Variants in RYR2 observed in about 807,000 individuals in gnomAD.
RYR2 encodes the protein ryanodine receptor 2, also known as cardiac muscle ryanodine receptor-calcium release channel.
In RYR2, 227 loss-of-function variants were observed where a neutral mutation model predicts 601.1. That is an observed-to-expected ratio of 0.38 (90% CI 0.34 to 0.42). The LOEUF (loss-of-function observed/expected upper bound fraction) is 0.42, where lower values mean the gene tolerates loss of function less well. RYR2 is among the 10% of genes least tolerant of loss of function. The probability of loss-of-function intolerance (pLI) is 1.00; values close to 1 mark genes in which losing one functional copy is unlikely to be tolerated. For synonymous variants in RYR2, 2,223 were observed against 2,175.1 expected, an observed-to-expected ratio of 1.02 and a Z score of -0.61; for missense variants, 4,646 against 6,156.5, an observed-to-expected ratio of 0.75 and a Z score of 8.21.
intron 81 of RYR2, among the ~76,000 whole-genome samples, chr1:237,756,768 G>A (rs116233306): frequency 0.024 from 3,729 of 152,258 alleles, 48 homozygotes; most frequent in Middle Eastern, 0.051. Context: ...CATGTTAGCA[G>A]GAAAGCTGCC....
chr1:237,243,434 C>T (rs1318443334), intron 1 of RYR2, among the ~76,000 whole-genome samples: 1 of 152,170 alleles, frequency 6.6e-6, no homozygotes, highest in Non-Finnish European at 1.5e-5. Flanking sequence ...ATTATAAAGA[C>T]TCCTGCGAAG....
Position 237,106,539 on chromosome 1 carries a change from GT to G in RYR2, c.48+63971del, listed in dbSNP as rs1668703688. Reference sequence around the variant, plus strand: ...AGATCAAGAGTTTCATTCTGGAAATGTGGGGGTTTTCGCTGTCTGTCAGAGA... The same window carrying G: ...AGATCAAGAGTTTCATTCTGGAAATGGGGGGTTTTCGCTGTCTGTCAGAGA... On this transcript the variant is annotated intron_variant, in intron 1 of 104. Coordinates refer to ENST00000366574, the MANE Select transcript of RYR2 (RefSeq NM_001035.3). The surrounding 1 kb of genome is among the most constrained non-coding windows in gnomAD (Gnocchi z 4.4). 6.6e-6 allele frequency among the ~76,000 whole-genome samples: 1 copy of G among 152,202 alleles called. No individual in the cohort carries two copies. Among genetic ancestry groups the G allele is most frequent in the South Asian group, 2.1e-4 (1 of 4,832 alleles).
chr1:237,409,001 T>G (rs2149987937), intron 10 of RYR2, among the ~76,000 whole-genome samples: 1 of 152,266 alleles, frequency 6.6e-6, no homozygotes, highest in South Asian at 2.1e-4. Context: ...AAATTGATTT[T>G]TGTGTATTAA....
chr1:237,443,148 G>A (rs1037565079), intron 13 of RYR2, among the ~76,000 whole-genome samples: 14 of 151,576 alleles, frequency 9.2e-5, no homozygotes, highest in African/African-American at 3.4e-4. Context: ...TTTTTCTTTG[G>A]TGCTGTTCTG....
At position 237,224,187 on chromosome 1, in the gene RYR2, G is replaced by A. The variant is rs144876653; in HGVS notation, c.49-46310G>A. ...TGAATATATTGGAAACCTTTTTGGG[G>A]ATTTATGACAATTTGAAAAAAAACT... On this transcript the variant is annotated intron_variant, in intron 1 of 104. Transcript: ENST00000366574. Among the ~76,000 whole-genome samples the A allele has an allele frequency of 3.2e-3, 483 of 151,912 alleles. 5 individuals are homozygous for A. The highest frequency in any genetic ancestry group is 0.011 in the African/African-American group (469 of 41,470).
intron 63 of RYR2, among the ~76,000 whole-genome samples, chr1:237,693,896 T>C (rs1015080080): frequency 2.0e-5 from 3 of 152,238 alleles, no homozygotes; most frequent in Non-Finnish European, 4.4e-5. Flanking sequence ...CTTTAAATGA[T>C]GATTTCTGTC....
At chr1:237,075,589 A>C (rs1476221582) in intron 1 of RYR2, among the ~76,000 whole-genome samples, 1 of 50,244 alleles carries the variant, frequency 2.0e-5, no homozygotes, top group Non-Finnish European at 4.3e-5. Flanking sequence ...ACGGCGCACC[A>C]CGAGACTATA....
At chr1:237,321,531 G>A (rs558920406) in intron 2 of RYR2, among the ~76,000 whole-genome samples, 1 of 152,196 alleles carries the variant, frequency 6.6e-6, no homozygotes, top group East Asian at 1.9e-4. Context: ...GGATCACTAG[G>A]TTCGATGTCA....
intron 10 of RYR2, among the ~76,000 whole-genome samples, chr1:237,395,766 T>C (rs1372446662): frequency 3.3e-5 from 5 of 152,108 alleles, no homozygotes; most frequent in African/African-American, 9.7e-5. Context: ...CAGGATGGTC[T>C]TGATCTCCTG....
chr1:237,250,429 A>G (rs920842701), intron 1 of RYR2, among the ~76,000 whole-genome samples: 6 of 152,120 alleles, frequency 3.9e-5, no homozygotes, highest in Non-Finnish European at 7.3e-5. Context: ...TTCTATGGTA[A>G]TACCATGCAT....
intron 1 of RYR2, among the ~76,000 whole-genome samples, chr1:237,185,018 C>T (rs1415720): frequency 0.2 from 30,875 of 151,896 alleles, 5,163 homozygotes; most frequent in African/African-American, 0.46. Flanking sequence ...TGCAGGCATG[C>T]ACCACCACAC....
chr1:237,514,338 C>A (rs1213750359), intron 24 of RYR2, among the ~76,000 whole-genome samples: 4 of 152,130 alleles, frequency 2.6e-5, no homozygotes, highest in Non-Finnish European at 5.9e-5. Context: ...TACATGTAAT[C>A]CAGTGTCATA....
At chr1:237,333,848 A>G (rs562117624) in intron 3 of RYR2, among the ~76,000 whole-genome samples, 22 of 152,344 alleles carry the variant, frequency 1.4e-4, no homozygotes, top group Middle Eastern at 6.8e-3. Flanking sequence ...GAAGTGTGTC[A>G]GGAAGGTAAT....
intron 1 of RYR2, among the ~76,000 whole-genome samples, chr1:237,183,138 A>C (rs1050015427): frequency 2.6e-5 from 4 of 152,206 alleles, no homozygotes; most frequent in African/African-American, 9.6e-5. Context: ...GCAGATTGGA[A>C]TAAAGCTATA....
Position 237,248,440 on chromosome 1 carries a change from T to C in RYR2, c.49-22057T>C, listed in dbSNP as rs1315129627. Among the ~76,000 whole-genome samples the C allele has an allele frequency of 3.3e-5, 5 of 152,158 alleles. No individual in the cohort carries two copies. In the East Asian group the frequency reaches 5.8e-4, roughly 18 times the overall value. ...CAACATGAACTCTGGGGTTATTTTC[T>C]TGTTTTTTATTTCCCCTCATCAGTC... On this transcript the variant is annotated intron_variant, in intron 1 of 104. Transcript: ENST00000366574.
chr1:237,542,024 C>G (rs945532724), intron 25 of RYR2, among the ~76,000 whole-genome samples: 2 of 152,074 alleles, frequency 1.3e-5, no homozygotes, highest in African/African-American at 4.8e-5. Flanking sequence ...AGAGGCCTCA[C>G]AAACATAATT....
chr1:237,777,643 G>A (rs572394981), intron 87 of RYR2, among the ~76,000 whole-genome samples: 1 of 152,250 alleles, frequency 6.6e-6, no homozygotes, highest in Admixed American at 6.5e-5. Flanking sequence ...ACAGAAATTG[G>A]CTCCATGAAA....
chr1:237,415,091 G>A (rs1334157354), intron 10 of RYR2, among the ~76,000 whole-genome samples: 2 of 152,134 alleles, frequency 1.3e-5, no homozygotes, highest in African/African-American at 2.4e-5. Context: ...CCATGCACAG[G>A]ACAGCCCAAA....
At chr1:237,804,780 A>G (rs1310897116) in intron 98 of RYR2, among the ~76,000 whole-genome samples, 1 of 152,240 alleles carries the variant, frequency 6.6e-6, no homozygotes, top group Non-Finnish European at 1.5e-5. Flanking sequence ...AAAACACTTC[A>G]TATAATTTCA....
Sources: allele counts gnomAD v4.1 joint callset (sites outside exome capture counted in the v4.1 genomes callset), GRCh38; gene constraint gnomAD v4.1.1; non-coding constraint Gnocchi (gnomAD v3.1); transcripts MANE v1.5; gene names NCBI Gene and HGNC (gene_info 2026-07-23, HGNC 2026-07-21).